Variants in TAPBPL observed in about 807,000 individuals in gnomAD.
TAPBPL encodes the protein tapasin-related protein.
A neutral mutation model predicts 44.8 loss-of-function variants in TAPBPL; 32 were observed. The ratio of observed to expected loss-of-function variants is 0.71; its 90% CI spans 0.54 to 0.96. TAPBPL has a LOEUF of 0.96. Among genes scored for constraint, TAPBPL ranks in the 40% least tolerant of loss-of-function variants. The pLI is 0.00. For missense variants in TAPBPL, 520 were observed against 586.6 expected (o/e 0.89, Z 1.17); for synonymous variants, 230 against 240.7 (o/e 0.96, Z 0.41).
rs770834090 is a variant in TAPBPL at position 6,462,043 on chromosome 12, G to A, written c.1301G>A (p.Gly434Glu). The A allele has an allele frequency of 6.2e-7, 1 of 1,613,224 alleles. No homozygotes were observed. The highest frequency in any genetic ancestry group is 8.5e-7 in the Non-Finnish European group (1 of 1,179,314). Residue 434 changes from glycine to glutamate, a missense_variant, in exon 7 of 7, where the codon GGA becomes GAA. By Grantham distance (98) the Gly-to-Glu change is moderately conservative (BLOSUM62 -2). Coordinates refer to ENST00000266556, the MANE Select transcript of TAPBPL (RefSeq NM_018009.5). Reference sequence around the variant, plus strand: ...CACTTCCTCTTACCAGCACCTACAGGACTTGGGCTGCTTCAGGCTGAACGC... The same window carrying A: ...CACTTCCTCTTACCAGCACCTACAGAACTTGGGCTGCTTCAGGCTGAACGC... The part of the protein sequence containing the change: ...LGLQRRQAPT[G>E]LGLLQAERWE...
intron 4 of TAPBPL, among the ~76,000 whole-genome samples, chr12:6,458,189 A>G (rs1256182754): frequency 1.3e-5 from 2 of 152,218 alleles, no homozygotes; most frequent in African/African-American, 4.8e-5. Flanking sequence ...CAGCCTGGCC[A>G]ATACGGTGAA....
chr12:6,464,893 C>G (rs1008778673), downstream of TAPBPL: 1 of 1,614,058 alleles, frequency 6.2e-7, no homozygotes, highest in Non-Finnish European at 8.5e-7. Context: ...TACTTACTTA[C>G]AATAACTACC....
chr12:6,461,344 A>C, intron 6 of TAPBPL: 1 of 1,028,608 alleles, frequency 9.7e-7, no homozygotes, highest in Non-Finnish European at 1.2e-6. Flanking sequence ...GTGAGGGGAC[A>C]AGAAGAAGGC....
At chr12:6,465,912 T>C, downstream of TAPBPL, 1 of 1,614,272 alleles carries the variant, frequency 6.2e-7, no homozygotes, top group African/African-American at 1.3e-5. Flanking sequence ...TGCTCCTGCC[T>C]GCAAGGCATC....
chr12:6,466,948 T>C (rs1024858482), downstream of TAPBPL: 3 of 153,994 alleles, frequency 1.9e-5, no homozygotes, highest in Non-Finnish European at 4.3e-5. Flanking sequence ...ATCTTTCCGG[T>C]GCTATTCTGG....
chr12:6,457,266 C>A, intron 3 of TAPBPL, 140 bp from the exon 4 acceptor site: 1 of 743,230 alleles, frequency 1.3e-6, no homozygotes, highest in Non-Finnish European at 2.2e-6. Flanking sequence ...TTTGTGGTTC[C>A]ATGTGATGGA....
In TAPBPL at chr12:6,457,630, A is replaced by C. The variant is rs756208076; in HGVS notation, c.790A>C (p.Arg264=). 3 of 1,614,194 alleles carry C rather than the reference A, an allele frequency of 1.9e-6. No homozygotes were observed. Among genetic ancestry groups the C allele is most frequent in the Non-Finnish European group, 2.5e-6 (3 of 1,180,020 alleles). ...GGAGCCTGCACAACTGGGCATGGCC[A>C]GGGATGCCTCCCTCACCCTGCCCGG... The part of the protein sequence containing the change: ...TLEPAQLGMA[R]DASLTLPGLT... Residue 264 remains arginine, a synonymous_variant, in exon 4 of 7, where the codon AGG becomes CGG. Transcript: ENST00000266556.
downstream of TAPBPL, chr12:6,462,607 A>G (rs1949905381): frequency 8.3e-6 from 5 of 605,126 alleles, no homozygotes; most frequent in Non-Finnish European, 1.4e-5. Flanking sequence ...AACAAGGCCA[A>G]CTACACCTGG....
At chr12:6,468,734 A>C (rs959314646), downstream of TAPBPL, among the ~76,000 whole-genome samples, 2 of 152,188 alleles carry the variant, frequency 1.3e-5, no homozygotes, top group African/African-American at 4.8e-5. Context: ...ACTCCTCTCC[A>C]TGTCCCAAAA....
Position 6,462,078 on chromosome 12 carries a change from A to G in TAPBPL, c.1336A>G (p.Thr446Ala). Reference protein sequence around the residue: ...GLLQAERWETTSCADTQSSHL... With the variant: ...GLLQAERWETASCADTQSSHL... ...GCTTCAGGCTGAACGCTGGGAGACC[A>G]CTTCCTGTGCTGACACACAGAGCTC... Residue 446 changes from threonine to alanine, a missense_variant, in exon 7 of 7, where the codon ACT (threonine) becomes GCT (alanine). By Grantham distance (58) the Thr-to-Ala change is moderately conservative. Transcript: ENST00000266556. The G allele has an allele frequency of 6.2e-7, 1 of 1,613,836 alleles. No individual in the cohort carries two copies. Among genetic ancestry groups the G allele is most frequent in the East Asian group, 2.2e-5 (1 of 44,874 alleles).
Position 6,452,277 on chromosome 12 carries a change from T to C in TAPBPL, c.29T>C (p.Leu10Pro). 1 of 1,575,194 alleles carries C rather than the reference T, an allele frequency of 6.3e-7. No individual in the cohort carries two copies. The highest frequency in any genetic ancestry group is 8.6e-7 in the Non-Finnish European group (1 of 1,160,968). Residue 10 changes from leucine (L) to proline (P), a missense_variant, in exon 1 of 7, where the codon CTG (leucine) becomes CCG (proline). By Grantham distance (98) the Leu-to-Pro change is moderately conservative (BLOSUM62 -3). Transcript: ENST00000266556. Reference protein sequence around the residue: MGTQEGWCLLLCLALSGAAE... With the variant: MGTQEGWCLPLCLALSGAAE... ...GGCACACAGGAGGGCTGGTGCCTGC[T>C]GCTCTGCCTGGCTCTATCTGGAGCA...
downstream of TAPBPL, chr12:6,462,879 G>A (rs761903666): frequency 3.1e-5 from 50 of 1,598,306 alleles, 1 homozygote; most frequent in Admixed American, 1.2e-4. Context: ...AAACAAGGGC[G>A]AAAGGAAAGG....
intron 5 of TAPBPL, among the ~76,000 whole-genome samples, chr12:6,459,744 ATTTATTTATTTATTTATTTATTTT>A (rs1301600018): frequency 1.4e-5 from 2 of 143,970 alleles, no homozygotes; most frequent in African/African-American, 5.7e-5. Flanking sequence ...TTATTTATTT[ATTTATTTATTTATTTATTTATTTT>A]ATTTTATTTT....
intron 3 of TAPBPL, among the ~76,000 whole-genome samples, chr12:6,456,824 T>G (rs988371496): frequency 6.6e-6 from 1 of 152,176 alleles, no homozygotes; most frequent in Non-Finnish European, 1.5e-5. Context: ...GGCTAATTTT[T>G]GTGTTTTTAG....
chr12:6,463,186 A>G, downstream of TAPBPL: 1 of 1,439,464 alleles, frequency 6.9e-7, no homozygotes, highest in Non-Finnish European at 9.1e-7. This position sits in a 1 kb window ranked among gnomAD's most constrained non-coding sequence, Gnocchi z 4.0. Flanking sequence ...GAAAGGAGGC[A>G]AAGTAGAATT....
At chr12:6,463,384 C>A, downstream of TAPBPL, 1 of 1,069,768 alleles carries the variant, frequency 9.3e-7, no homozygotes, top group Non-Finnish European at 1.1e-6. This position sits in a 1 kb window ranked among gnomAD's most constrained non-coding sequence, Gnocchi z 4.0. Flanking sequence ...GGCCGGGCCC[C>A]AGGAAGAACC....
downstream of TAPBPL, chr12:6,462,356 G>A (rs1470941170): frequency 1.2e-5 from 6 of 520,462 alleles, no homozygotes; most frequent in African/African-American, 9.6e-5. Context: ...TATGAGATCA[G>A]GGTTAGGAAA....
chr12:6,465,386 GTA>G (rs138439173), downstream of TAPBPL: 824 of 59,450 alleles, frequency 0.014, 54 homozygotes, highest in Non-Finnish European at 0.021. Context: ...GTATATATAT[GTA>G]TATATATATA....
chr12:6,470,129 T>C (rs747813248), downstream of TAPBPL, among the ~76,000 whole-genome samples: 14 of 152,300 alleles, frequency 9.2e-5, 1 homozygote, highest in South Asian at 2.1e-4. Context: ...CACCCATGAC[T>C]GTCTTTCCTG....
Sources: allele counts gnomAD v4.1 joint callset (sites outside exome capture counted in the v4.1 genomes callset), GRCh38; gene constraint gnomAD v4.1.1; non-coding constraint Gnocchi (gnomAD v3.1); transcripts MANE v1.5; gene names NCBI Gene and HGNC (gene_info 2026-07-23, HGNC 2026-07-21).